CDH18: variants seen among roughly 807,000 people sequenced by gnomAD.
The protein encoded by CDH18 is cadherin-18.
A neutral mutation model predicts 67.9 loss-of-function variants in CDH18; 31 were observed. The observed-to-expected ratio is 0.46, with a 90% CI of 0.34 to 0.62. The LOEUF is 0.62. Ranked by LOEUF, CDH18 falls within the 20% of genes least tolerant of loss-of-function variation. The probability of loss-of-function intolerance (pLI) is 0.01; values close to 1 mark genes in which losing one functional copy is unlikely to be tolerated. For synonymous variants in CDH18, 362 were observed against 347.2 expected (o/e 1.04, Z -0.48); for missense variants, 890 against 975.5 (o/e 0.91, Z 1.17).
At chr5:20,008,804 A>G (rs1467379906) in intron 2 of CDH18, among the ~76,000 whole-genome samples, 4 of 152,170 alleles carry the variant, frequency 2.6e-5, no homozygotes, top group Non-Finnish European at 5.9e-5. Flanking sequence ...AGTAGCCAAT[A>G]TGTCTAGAGC....
chr5:19,519,168 A>G (rs1226647290), intron 10 of CDH18, among the ~76,000 whole-genome samples: 1 of 152,166 alleles, frequency 6.6e-6, no homozygotes, highest in Non-Finnish European at 1.5e-5. Flanking sequence ...TTGCTTAAAT[A>G]AGCCCTTTTA....
intron 2 of CDH18, among the ~76,000 whole-genome samples, chr5:20,138,893 G>C (rs1006201799): frequency 2.6e-5 from 4 of 152,038 alleles, no homozygotes; most frequent in African/African-American, 2.4e-5. Context: ...TACTGCCTAA[G>C]GTAATTTATA....
At chr5:19,797,047 A>T (rs1776937685) in intron 3 of CDH18, among the ~76,000 whole-genome samples, 1 of 151,990 alleles carries the variant, frequency 6.6e-6, no homozygotes, top group African/African-American at 2.4e-5. Context: ...CTCATTAATC[A>T]CTAATTATCT....
intron 1 of CDH18, among the ~76,000 whole-genome samples, chr5:20,363,477 C>CAA (rs1187140017): frequency 0.11 from 11,307 of 100,716 alleles, 1,425 homozygotes; most frequent in African/African-American, 0.25. Flanking sequence ...GACTCCGTAT[C>CAA]AAAAAAAAAA....
intron 2 of CDH18, among the ~76,000 whole-genome samples, chr5:19,940,329 T>C (rs886337439): frequency 2.0e-5 from 3 of 151,888 alleles, no homozygotes; most frequent in Admixed American, 1.3e-4. Context: ...CTATCTCCTC[T>C]ACAATCTTCC....
At chr5:19,851,749 GTA>G (rs375694290) in intron 2 of CDH18, among the ~76,000 whole-genome samples, 29 of 147,712 alleles carry the variant, frequency 2.0e-4, no homozygotes, top group African/African-American at 6.4e-4. Context: ...ATGTGTGTGT[GTA>G]TGTGTGTGTG....
At chr5:19,793,984 CT>C (rs1386569690) in intron 3 of CDH18, among the ~76,000 whole-genome samples, 1 of 151,956 alleles carries the variant, frequency 6.6e-6, no homozygotes, top group African/African-American at 2.4e-5. Flanking sequence ...AAAAAAGTGG[CT>C]TAAGTTGAAA....
intron 3 of CDH18, among the ~76,000 whole-genome samples, chr5:19,792,402 T>C (rs1386065056): frequency 6.6e-6 from 1 of 152,116 alleles, no homozygotes; most frequent in African/African-American, 2.4e-5. Flanking sequence ...AGGAGTTACA[T>C]TGTTGGCTGG....
chr5:19,777,280 CA>C (rs1486347071), intron 3 of CDH18, among the ~76,000 whole-genome samples: 11 of 152,064 alleles, frequency 7.2e-5, no homozygotes, highest in African/African-American at 2.4e-4. Flanking sequence ...AACTCTGTCT[CA>C]AAAATAAAAG....
At chr5:20,416,787 C>G (rs890880658) in intron 1 of CDH18, among the ~76,000 whole-genome samples, 1 of 151,952 alleles carries the variant, frequency 6.6e-6, no homozygotes, top group Non-Finnish European at 1.5e-5. Context: ...TGATAAGGTT[C>G]TTTACAGCAT....
intron 9 of CDH18, among the ~76,000 whole-genome samples, chr5:19,525,799 C>T (rs891849872): frequency 6.6e-6 from 1 of 152,110 alleles, no homozygotes. Flanking sequence ...GTATTTTACC[C>T]TTTAAATGTC....
intron 2 of CDH18, among the ~76,000 whole-genome samples, chr5:20,005,629 T>C (rs1736841060): frequency 6.6e-6 from 1 of 151,704 alleles, no homozygotes; most frequent in Non-Finnish European, 1.5e-5. Flanking sequence ...CACACACATA[T>C]ATATATAATT....
At chr5:20,373,593 G>T (rs6451808) in intron 1 of CDH18, among the ~76,000 whole-genome samples, 151,286 of 152,092 alleles carry the variant, frequency 0.99, 75,248 homozygotes, top group Middle Eastern at 1. Context: ...TACTTACATT[G>T]GTTTTCAAAG....
Position 20,016,455 on chromosome 5 carries a change from C to A in CDH18, c.-517-24441G>T, listed in dbSNP as rs547412197. On this transcript the variant is annotated intron_variant, in intron 2 of 14. Coordinates refer to the CDH18 transcript ENST00000507958. ...ATAAATTGCACATGTACCCCTGAAC[C>A]AAAAATAAAAGTTTTTCAGAAAAAG... Among the ~76,000 whole-genome samples the A allele has an allele frequency of 4.6e-5, 7 of 151,922 alleles. No homozygotes were observed. The South Asian group carries it at 6.2e-4, about 14-fold the overall frequency.
At chr5:19,644,678 T>C (rs1044859212) in intron 5 of CDH18, among the ~76,000 whole-genome samples, 2 of 152,064 alleles carry the variant, frequency 1.3e-5, no homozygotes, top group African/African-American at 2.4e-5. Context: ...TAAAAAAAAA[T>C]TGAACAGGAT....
At chr5:20,467,882 G>T (rs4626341) in intron 1 of CDH18, among the ~76,000 whole-genome samples, 1 of 152,096 alleles carries the variant, frequency 6.6e-6, no homozygotes, top group East Asian at 1.9e-4. Flanking sequence ...TTAATTTTCC[G>T]TACTTTTGGC....
intron 3 of CDH18, among the ~76,000 whole-genome samples, chr5:19,830,846 T>C (rs1197336704): frequency 6.6e-6 from 1 of 152,122 alleles, no homozygotes; most frequent in African/African-American, 2.4e-5. Context: ...CATGGAATAC[T>C]ACACAGCCTT....
chr5:20,421,447 T>A (rs1747850919), intron 1 of CDH18, among the ~76,000 whole-genome samples: 1 of 150,462 alleles, frequency 6.6e-6, no homozygotes, highest in Non-Finnish European at 1.5e-5. Context: ...CAATCAAGAG[T>A]GTCAACAACA....
At chr5:20,425,271 C>T (rs1022837620) in intron 1 of CDH18, among the ~76,000 whole-genome samples, 3 of 150,030 alleles carry the variant, frequency 2.0e-5, no homozygotes, top group African/African-American at 5.0e-5. Flanking sequence ...ACTCGGGAGG[C>T]GAGGCAGGAG....
Sources: gnomAD v4.1 joint callset for allele counts (sites outside exome capture counted in the v4.1 genomes callset) on GRCh38, gnomAD v4.1.1 for gene constraint, MANE v1.5 for transcripts, NCBI Gene and HGNC (gene_info 2026-07-23, HGNC 2026-07-21) for gene names.